The following WDR33 variants were observed in gnomAD, a reference collection of about 807,000 sequenced individuals.
WDR33 encodes the protein pre-mRNA 3' end processing protein WDR33.
In WDR33, 47 loss-of-function variants were observed where a neutral mutation model predicts 164.9. The ratio of observed to expected loss-of-function variants is 0.29; its 90% confidence interval spans 0.23 to 0.36. The LOEUF is 0.36. WDR33 is among the 10% of genes least tolerant of loss of function. WDR33 has a pLI of 1.00. For synonymous variants in WDR33, 505 were observed against 589.0 expected (o/e 0.86, Z 2.06); for missense variants, 1,137 against 1,754.1 (o/e 0.65, Z 6.28).
At chr2:127,775,766 T>C (rs1012630725) in intron 1 of WDR33, among the ~76,000 whole-genome samples, 4 of 152,186 alleles carry the variant, frequency 2.6e-5, no homozygotes, top group African/African-American at 9.7e-5. Context: ...ATTTACAAAT[T>C]TGTTCAGTAA....
At chr2:127,749,839 C>CT (rs1286010102) in intron 7 of WDR33, among the ~76,000 whole-genome samples, 2,122 of 140,708 alleles carry the variant, frequency 0.015, 26 homozygotes, top group South Asian at 0.06. Flanking sequence ...ATTTCACAGG[C>CT]TTTTTTTTTT....
At position 127,764,670 on chromosome 2, in the gene WDR33, G is replaced by T; in HGVS notation, c.626+158C>A. Reference sequence around the variant, plus strand: ...ACTTCAGAAAGGTGCCAGCAAAATGGTGAATGTGTGAAAACAAAGAAAAAT... The same window carrying T: ...ACTTCAGAAAGGTGCCAGCAAAATGTTGAATGTGTGAAAACAAAGAAAAAT... On this transcript the variant is annotated intron_variant, in intron 6 of 21. Coordinates refer to ENST00000322313, the MANE Select transcript of WDR33 (RefSeq NM_018383.5). The surrounding 1 kb of genome is among the most constrained non-coding windows in gnomAD (Gnocchi z 6.2). 1 of 1,579,470 alleles carries T rather than the reference G, an allele frequency of 6.3e-7. No homozygotes were observed. The highest frequency in any genetic ancestry group is 8.6e-7 in the Non-Finnish European group (1 of 1,161,824).
At position 127,719,133 on chromosome 2, in the gene WDR33, T is replaced by A. The variant is rs1686364040; in HGVS notation, c.2760+132A>T. 3 of 1,141,800 alleles carry A rather than the reference T, an allele frequency of 2.6e-6. No individual in the cohort carries two copies. Among genetic ancestry groups the A allele is most frequent in the Non-Finnish European group, 3.4e-6 (3 of 880,156 alleles). 70.7% of individuals were successfully genotyped at this position (1,141,800 alleles called of 1,614,324 possible). ...TTTCATTCTTCAGCCAGGATGCTAG[T>A]ATCTTAAGCTACTGTCACTACTTGA... On this transcript the variant is annotated intron_variant, in intron 16 of 21. Transcript: ENST00000322313. This position sits in a 1 kb window ranked among gnomAD's most constrained non-coding sequence, Gnocchi z 6.5.
Position 127,720,311 on chromosome 2 carries a change from T to C in WDR33, c.1714A>G (p.Ile572Val). Residue 572 changes from isoleucine to valine, a missense_variant, in exon 16 of 22, where the codon ATT becomes GTT. Coordinates refer to ENST00000322313, the MANE Select transcript of WDR33 (RefSeq NM_018383.5). This position sits in a 1 kb window ranked among gnomAD's most constrained non-coding sequence, Gnocchi z 5.9. ...GTGCCAGATGAGGGAGGAGGCTGAA[T>C]TTGCTCAACTTGTTTCTGTGCAAGT... Reference protein sequence around the residue: ...ERLAQKQVEQIQPPPSSGTPL... With the variant: ...ERLAQKQVEQVQPPPSSGTPL... The C allele has an allele frequency of 1.3e-6, 2 of 1,514,220 alleles. No individual in the cohort carries two copies. The highest frequency in any genetic ancestry group is 1.8e-6 in the Non-Finnish European group (2 of 1,132,366). The allele number at this position is 1,514,220 out of a possible 1,614,324, so 93.8% of individuals were successfully genotyped here.
chr2:127,791,641 TTAC>T (rs1309002744), intron 1 of WDR33, among the ~76,000 whole-genome samples: 1 of 152,084 alleles, frequency 6.6e-6, no homozygotes, highest in Non-Finnish European at 1.5e-5. Flanking sequence ...ACACTGGGGG[TTAC>T]TACTTCAGCA....
chr2:127,784,989 T>C (rs991326287), intron 1 of WDR33, among the ~76,000 whole-genome samples: 2 of 152,216 alleles, frequency 1.3e-5, no homozygotes, highest in African/African-American at 2.4e-5. Context: ...TTTTTATCAC[T>C]GACAACAAGC....
At chr2:127,728,047 G>A (rs1686613459) in intron 7 of WDR33, among the ~76,000 whole-genome samples, 2 of 152,130 alleles carry the variant, frequency 1.3e-5, no homozygotes, top group African/African-American at 4.8e-5. Context: ...AGAACAGTTT[G>A]GCTGTATGTA....
Position 127,735,012 on chromosome 2 carries a change from T to C in WDR33, c.725-8235A>G, listed in dbSNP as rs149006123. Among the ~76,000 whole-genome samples, 28 of 152,316 alleles carry C rather than the reference T, an allele frequency of 1.8e-4. No homozygotes were observed. The highest frequency in any genetic ancestry group is 3.7e-4 in the Non-Finnish European group (25 of 68,010). Reference sequence around the variant, plus strand: ...TTAATAAACCTTAAAATTCTAAGAATAACATGATAAATGGATTAGGTATTA... The same window carrying C: ...TTAATAAACCTTAAAATTCTAAGAACAACATGATAAATGGATTAGGTATTA... On this transcript the variant is annotated intron_variant, in intron 7 of 21. Coordinates refer to ENST00000322313, the MANE Select transcript of WDR33 (RefSeq NM_018383.5). The surrounding 1 kb of genome is among the most constrained non-coding windows in gnomAD (Gnocchi z 4.3).
intron 7 of WDR33, chr2:127,736,300 G>A (rs542490033): frequency 1.0e-6 from 1 of 985,364 alleles, no homozygotes; most frequent in East Asian, 1.1e-4. Flanking sequence ...AGGAGACTGG[G>A]GAAGGGCATG....
chr2:127,806,210 CTTTT>C (rs200197402), intron 1 of WDR33, among the ~76,000 whole-genome samples: 1 of 132,920 alleles, frequency 7.5e-6, no homozygotes. Context: ...TTTTCTTTTT[CTTTT>C]TTTTTTTTTT....
chr2:127,792,961 G>A (rs551119662), intron 1 of WDR33, among the ~76,000 whole-genome samples: 16 of 152,250 alleles, frequency 1.1e-4, no homozygotes, highest in African/African-American at 2.9e-4. Flanking sequence ...AGAGAGATAC[G>A]TCAGAAACAT....
chr2:127,735,990 G>GT lies in WDR33; in HGVS notation c.725-9214dup, dbSNP rs960116901. 1.0e-6 allele frequency: 1 copy of GT among 985,440 alleles called. No individual in the cohort carries two copies. Among genetic ancestry groups the GT allele is most frequent in the African/African-American group, 1.7e-5 (1 of 57,358 alleles). The allele number at this position is 985,440 out of a possible 1,614,324, so 61.0% of individuals were successfully genotyped here. On this transcript the variant is annotated intron_variant, in intron 7 of 21. Coordinates refer to ENST00000322313, the MANE Select transcript of WDR33 (RefSeq NM_018383.5). The surrounding 1 kb of genome is among the most constrained non-coding windows in gnomAD (Gnocchi z 4.3). The stretch of plus-strand genomic sequence containing the variant: ...CTAGGCAGGGCAGTGTTTTCACAAT[G>GT]TATGTTCCAACAATACAGTGCATAG...
Position 127,703,320 on chromosome 2 carries a change from TGA to T in WDR33, c.*3001_*3002del, listed in dbSNP as rs1305044949. 6.0e-6 allele frequency: 1 copy of T among 167,084 alleles called. No homozygotes were observed. The highest frequency in any genetic ancestry group is 2.4e-5 in the African/African-American group (1 of 41,454). 10.4% of individuals were successfully genotyped at this position (167,084 alleles called of 1,614,324 possible). ...CAGGACCTTTTTAAAGCTCCCCAAG[TGA>T]TTCTACGTTCCCCAAGTTTGAGGAC... On this transcript the variant is annotated 3_prime_UTR_variant, in exon 22 of 22. Coordinates refer to ENST00000322313, the MANE Select transcript of WDR33 (RefSeq NM_018383.5).
At chr2:127,758,705 C>G (rs1291088565) in intron 7 of WDR33, among the ~76,000 whole-genome samples, 1 of 152,092 alleles carries the variant, frequency 6.6e-6, no homozygotes, top group East Asian at 1.9e-4. Flanking sequence ...ATTTCCATAT[C>G]CTTACTGATT....
At chr2:127,786,841 GTTCTT>G (rs1246562925) in intron 1 of WDR33, among the ~76,000 whole-genome samples, 4 of 90,052 alleles carry the variant, frequency 4.4e-5, no homozygotes, top group African/African-American at 8.7e-5. Flanking sequence ...CTTCCTTTCT[GTTCTT>G]TTTTTTTTTT....
chr2:127,750,183 C>T (rs1020640824), intron 7 of WDR33, among the ~76,000 whole-genome samples: 10 of 152,018 alleles, frequency 6.6e-5, no homozygotes, highest in African/African-American at 2.2e-4. Context: ...CGCCACCACA[C>T]CCAGTTAACT....
At chr2:127,750,705 T>TGC (rs1558936958) in intron 7 of WDR33, among the ~76,000 whole-genome samples, 3 of 58,094 alleles carry the variant, frequency 5.2e-5, no homozygotes, top group African/African-American at 3.1e-4. Context: ...TATATATATA[T>TGC]ATATATATGT....
chr2:127,779,505 G>A (rs1688298997), intron 1 of WDR33, among the ~76,000 whole-genome samples: 1 of 152,036 alleles, frequency 6.6e-6, no homozygotes, highest in Non-Finnish European at 1.5e-5. Context: ...TGATAGAACT[G>A]CGCATTTGAA....
At chr2:127,804,673 A>G (rs1689370230) in intron 1 of WDR33, among the ~76,000 whole-genome samples, 1 of 152,252 alleles carries the variant, frequency 6.6e-6, no homozygotes, top group Admixed American at 6.5e-5. Context: ...CTGTTAGTTC[A>G]TATTTATTTC....
Sources: gnomAD v4.1 joint callset for allele counts (sites outside exome capture counted in the v4.1 genomes callset) on GRCh38, gnomAD v4.1.1 for gene constraint, Gnocchi (gnomAD v3.1) non-coding constraint, MANE v1.5 for transcripts, NCBI Gene and HGNC (gene_info 2026-07-23, HGNC 2026-07-21) for gene names.